Variants in IDE observed in about 807,000 individuals in gnomAD.
IDE encodes the protein insulin degrading enzyme.
IDE carries 58 observed loss-of-function variants against 133.2 expected under a neutral mutation model. The ratio of observed to expected loss-of-function variants is 0.44; its 90% confidence interval spans 0.35 to 0.54. The LOEUF is 0.54. Ranked by LOEUF, IDE falls within the 20% of genes least tolerant of loss-of-function variation. The probability of loss-of-function intolerance (pLI) is 0.00; values close to 1 mark genes in which losing one functional copy is unlikely to be tolerated. For synonymous variants in IDE, 396 were observed against 421.3 expected (o/e 0.94, Z 0.73); for missense variants, 981 against 1,234.0 (o/e 0.79, Z 3.07).
intron 12 of IDE, among the ~76,000 whole-genome samples, chr10:92,488,374 G>A (rs904540321): frequency 2.0e-5 from 3 of 152,154 alleles, no homozygotes; most frequent in Non-Finnish European, 4.4e-5. Context: ...TAGGATTACA[G>A]ACATCAGCCA....
In IDE at chr10:92,487,205, A is replaced by G. The variant is rs79491549; in HGVS notation, c.1647T>C (p.Ala549=). 211 of 1,612,570 alleles carry G rather than the reference A, an allele frequency of 1.3e-4. No homozygotes were observed. Among genetic ancestry groups the G allele is most frequent in the Non-Finnish European group, 1.7e-4 (200 of 1,179,568 alleles). The change falls in exon 13 of 25, where the codon GCT becomes GCC. Residue 549 remains alanine (A), a synonymous_variant. Coordinates refer to ENST00000265986, the MANE Select transcript of IDE (RefSeq NM_004969.4). ...PLEKEATPYP[A]LIKDTAMSKL... ...GATTCAAACACATTACCTTAATAAG[A>G]GCAGGGTATGGTGTCGCCTCTTTTT...
chr10:92,517,394 C>A (rs897732087), intron 4 of IDE, among the ~76,000 whole-genome samples: 3 of 152,090 alleles, frequency 2.0e-5, no homozygotes, highest in Non-Finnish European at 4.4e-5. Context: ...TAGCCTATCA[C>A]CCAAGTTTCC....
Position 92,463,828 on chromosome 10 carries a change from T to C in IDE, c.2664A>G (p.Ala888=). 1 of 1,614,194 alleles carries C rather than the reference T, an allele frequency of 6.2e-7. No homozygotes were observed. The highest frequency in any genetic ancestry group is 8.5e-7 in the Non-Finnish European group (1 of 1,179,988). The stretch of plus-strand genomic sequence containing the variant: ...GTTTGTCTAGTCGACGAATTGCTAA[T>C]GCCTGAATGTGTTTTTGGAAGGCCT... The part of the protein sequence containing the change: ...TEEAFQKHIQ[A]LAIRRLDKPK... The change falls in exon 21 of 25, where the codon GCA becomes GCG. Residue 888 remains alanine, a synonymous_variant. Transcript: ENST00000265986.
rs532592986 is a variant in IDE, at chr10:92,508,946, T to C, written c.898-56A>G. ...TATACGACTCCTACTGAAGAAAATA[T>C]TTCTAAACTATGAAGAATGATTTTC... On this transcript the variant is annotated intron_variant, in intron 6 of 24. Coordinates refer to ENST00000265986, the MANE Select transcript of IDE (RefSeq NM_004969.4). The C allele has an allele frequency of 5.7e-5, 77 of 1,358,428 alleles. No individual in the cohort carries two copies. The African/African-American group carries it at 9.9e-4, about 18-fold the overall frequency. The allele number at this position is 1,358,428 out of a possible 1,614,324, so 84.1% of individuals were successfully genotyped here.
chr10:92,475,731 G>T (rs2135395274), intron 16 of IDE, among the ~76,000 whole-genome samples, 153 bp downstream of exon 16: 1 of 152,096 alleles, frequency 6.6e-6, no homozygotes. Context: ...TGGAGTATAG[G>T]ATTTTGCAAT....
chr10:92,485,606 G>GTTTAATGT (rs1449842713), intron 13 of IDE, among the ~76,000 whole-genome samples: 3 of 152,122 alleles, frequency 2.0e-5, no homozygotes, highest in Non-Finnish European at 4.4e-5. Context: ...GATATAAATG[G>GTTTAATGT]TTTAATGTTC....
At chr10:92,522,445 T>C (rs1052823932) in intron 4 of IDE, among the ~76,000 whole-genome samples, 1 of 152,164 alleles carries the variant, frequency 6.6e-6, no homozygotes, top group Admixed American at 6.5e-5. Flanking sequence ...CCTATACAGA[T>C]AGTTCCACTA....
At position 92,514,906 on chromosome 10, in the gene IDE, G is replaced by T. The variant is rs772119410; in HGVS notation, c.784+14C>A. ...ATATTATCCAATTCTATAAAAAATT[G>T]TAAGGGTTCTTACCTCGACCTAAAA... is the stretch of plus-strand genomic sequence containing the variant. On this transcript the variant is annotated intron_variant, in intron 5 of 24. Transcript: ENST00000265986. 1 of 1,601,146 alleles carries T rather than the reference G, an allele frequency of 6.2e-7. No individual in the cohort carries two copies. Among genetic ancestry groups the T allele is most frequent in the Non-Finnish European group, 8.5e-7 (1 of 1,174,456 alleles).
At chr10:92,488,932 TAAAAAAAAAAAAA>T (rs56377277) in intron 12 of IDE, among the ~76,000 whole-genome samples, 5 of 78,970 alleles carry the variant, frequency 6.3e-5, no homozygotes, top group South Asian at 5.9e-4. Flanking sequence ...TTTCATTATT[TAAAAAAAAAAAAA>T]AAAAAAAAAA....
chr10:92,481,331 A>G (rs1846595245), intron 14 of IDE, among the ~76,000 whole-genome samples: 1 of 152,108 alleles, frequency 6.6e-6, no homozygotes, highest in South Asian at 2.1e-4. Context: ...AGTCCCAGCT[A>G]CTCAGGAGGC....
chr10:92,479,608 T>C (rs1846485995), intron 14 of IDE, 187 bp from the exon 15 acceptor site: 1 of 536,118 alleles, frequency 1.9e-6, no homozygotes, highest in Admixed American at 3.2e-5. Context: ...GAAGTGTGTG[T>C]GAGTGTGTGT....
chr10:92,465,863 C>G lies in IDE; in HGVS notation c.2321-20G>C. ...ATCCTCCTAGGAAGTTTCAAAAAGA[C>G]AGCAGCAAGTTCAAAAACTTATTTG... On this transcript the variant is annotated intron_variant, in intron 19 of 24. Transcript: ENST00000265986. 6.2e-7 allele frequency: 1 copy of G among 1,612,566 alleles called. No homozygotes were observed. Among genetic ancestry groups the G allele is most frequent in the Non-Finnish European group, 8.5e-7 (1 of 1,179,138 alleles).
At chr10:92,566,145 G>A (rs150862932) in intron 1 of IDE, among the ~76,000 whole-genome samples, 63 of 150,776 alleles carry the variant, frequency 4.2e-4, no homozygotes, top group African/African-American at 1.5e-3. Flanking sequence ...TGCTTGAACC[G>A]AGGAGTTTAA....
intron 20 of IDE, 41 bp downstream of exon 20, chr10:92,465,635 A>G (rs765613544): frequency 6.5e-7 from 1 of 1,537,500 alleles, no homozygotes; most frequent in Admixed American, 1.8e-5. Flanking sequence ...ATAATTCATC[A>G]AAGTCTACAG....
At chr10:92,558,916 C>T (rs1253646597) in intron 1 of IDE, 1 of 148,278 alleles carries the variant, frequency 6.7e-6, no homozygotes, top group African/African-American at 2.5e-5. Flanking sequence ...TTTTAAAACT[C>T]TTACAACTTT....
At chr10:92,572,077 G>C (rs1381070700) in intron 1 of IDE, among the ~76,000 whole-genome samples, 1 of 152,114 alleles carries the variant, frequency 6.6e-6, no homozygotes, top group Non-Finnish European at 1.5e-5. Context: ...TTCCATCTTT[G>C]AGAAAAACAT....
chr10:92,481,728 T>C (rs1001781648), intron 14 of IDE, among the ~76,000 whole-genome samples: 1 of 151,940 alleles, frequency 6.6e-6, no homozygotes, highest in Non-Finnish European at 1.5e-5. Flanking sequence ...AACAGAACAG[T>C]GGTTACCTCT....
chr10:92,507,827 C>T (rs1233934298), intron 8 of IDE, among the ~76,000 whole-genome samples, 161 bp from the exon 9 acceptor site: 4 of 152,132 alleles, frequency 2.6e-5, no homozygotes, highest in African/African-American at 9.7e-5. Context: ...CATACATGGC[C>T]CTCTGGGCTC....
intron 13 of IDE, among the ~76,000 whole-genome samples, chr10:92,485,113 CTTTCTTTCTTTCT>C (rs1846894032): frequency 9.5e-6 from 1 of 104,814 alleles, no homozygotes; most frequent in East Asian, 2.8e-4. Flanking sequence ...CTTTTTCTTT[CTTTCTTTCTTTCT>C]TTTTTTTTTT....
Sources: gnomAD v4.1 joint callset for allele counts (sites outside exome capture counted in the v4.1 genomes callset) on GRCh38, gnomAD v4.1.1 for gene constraint, MANE v1.5 for transcripts, NCBI Gene and HGNC (gene_info 2026-07-23, HGNC 2026-07-21) for gene names.